Variants in MYO9A observed in about 807,000 individuals in gnomAD.
The protein encoded by MYO9A is myosin IXA.
A neutral mutation model predicts 293.3 loss-of-function variants in MYO9A; 103 were observed. The ratio of observed to expected loss-of-function variants is 0.35; its 90% CI spans 0.30 to 0.41. The LOEUF is 0.41. MYO9A is among the 10% of genes least tolerant of loss of function. MYO9A has a pLI of 1.00. For missense variants in MYO9A, 2,685 were observed against 3,033.0 expected (o/e 0.89, Z 2.69); for synonymous variants, 1,001 against 1,035.7 (o/e 0.97, Z 0.64).
At chr15:72,036,699 T>G (rs1566970493) in intron 2 of MYO9A, 1 of 152,124 alleles carries the variant, frequency 6.6e-6, no homozygotes, top group Non-Finnish European at 1.5e-5. Context: ...GGTACTCTTT[T>G]TGTGTGTATG....
intron 4 of MYO9A, among the ~76,000 whole-genome samples, chr15:72,021,286 G>A (rs929705819): frequency 6.6e-6 from 1 of 152,090 alleles, no homozygotes; most frequent in Non-Finnish European, 1.5e-5. Context: ...TGAGAAATCT[G>A]GCAAATCTGT....
At chr15:71,832,122 C>T (rs143338640) in intron 39 of MYO9A, among the ~76,000 whole-genome samples, 241 of 152,148 alleles carry the variant, frequency 1.6e-3, no homozygotes, top group East Asian at 8.5e-3. Context: ...ACTGAAAATA[C>T]AAAAATTAGC....
Position 72,010,450 on chromosome 15 carries a change from GCTTA to G in MYO9A, c.1156-7_1156-4del, listed in dbSNP as rs767548941. The stretch of plus-strand genomic sequence containing the variant: ...TCTCCTTCCACCGTGAAGCAATCCT[GCTTA>G]TTTAAAATAAAAGTTTAAAAATCAA... On this transcript the variant is annotated splice_polypyrimidine_tract_variant and splice_region_variant and intron_variant, in intron 6 of 41. Transcript: ENST00000356056. 8 of 1,608,570 alleles carry G rather than the reference GCTTA, an allele frequency of 5.0e-6. No homozygotes were observed. In the African/African-American group the frequency reaches 1.1e-4, roughly 22 times the overall value.
chr15:71,825,222 G>C lies in MYO9A; in HGVS notation c.*1358C>G, dbSNP rs2054426571. 1 of 152,156 alleles carries C rather than the reference G, an allele frequency of 6.6e-6. No homozygotes were observed. Among genetic ancestry groups the C allele is most frequent in the African/African-American group, 2.4e-5 (1 of 41,426 alleles). 9.4% of individuals were successfully genotyped at this position (152,156 alleles called of 1,614,324 possible). On this transcript the variant is annotated 3_prime_UTR_variant, in exon 42 of 42. Transcript: ENST00000356056. ...TCATGTGTATGAAGACCACCCAGTG[G>C]TGAAAATGATGTCTTACTAATTCCC... is the stretch of plus-strand genomic sequence containing the variant.
At chr15:71,861,141 A>AT (rs1401192265) in intron 33 of MYO9A, among the ~76,000 whole-genome samples, 1 of 151,930 alleles carries the variant, frequency 6.6e-6, no homozygotes, top group Non-Finnish European at 1.5e-5. Flanking sequence ...ACTCATTATA[A>AT]TTTTTTAGAC....
At chr15:71,855,232 T>C (rs908320791) in intron 34 of MYO9A, among the ~76,000 whole-genome samples, 3 of 152,074 alleles carry the variant, frequency 2.0e-5, no homozygotes, top group African/African-American at 7.2e-5. Flanking sequence ...ACCTCCCAGG[T>C]TCAAGCGATT....
chr15:71,885,176 T>G (rs2056984083), intron 27 of MYO9A, among the ~76,000 whole-genome samples: 1 of 152,102 alleles, frequency 6.6e-6, no homozygotes, highest in African/African-American at 2.4e-5. Context: ...TGGCCACAGA[T>G]AATGATTAGG....
intron 2 of MYO9A, among the ~76,000 whole-genome samples, chr15:72,044,175 G>A (rs2078312729): frequency 6.6e-6 from 1 of 152,050 alleles, no homozygotes; most frequent in Non-Finnish European, 1.5e-5. Flanking sequence ...GGGAAGCCAA[G>A]GCAGGTGGAT....
At chr15:71,952,875 G>A (rs540774976) in intron 14 of MYO9A, among the ~76,000 whole-genome samples, 15 of 152,204 alleles carry the variant, frequency 9.9e-5, no homozygotes, top group African/African-American at 3.4e-4. Context: ...CATTTTAAAA[G>A]TTAAACAGTC....
intron 14 of MYO9A, among the ~76,000 whole-genome samples, chr15:71,952,384 T>C (rs2059071969): frequency 6.6e-6 from 1 of 152,092 alleles, no homozygotes; most frequent in South Asian, 2.1e-4. Context: ...AATGAAAACA[T>C]GAAGAAAAGC....
At chr15:72,005,407 T>A (rs986113043) in intron 8 of MYO9A, among the ~76,000 whole-genome samples, 8 of 152,082 alleles carry the variant, frequency 5.3e-5, no homozygotes, top group Non-Finnish European at 1.0e-4. Flanking sequence ...GAAGCCCTGG[T>A]TTCTGCTGAA....
intron 1 of MYO9A, among the ~76,000 whole-genome samples, chr15:72,059,628 G>C (rs756573494): frequency 4.1e-4 from 63 of 152,150 alleles, no homozygotes; most frequent in Non-Finnish European, 7.4e-4. Context: ...TTTTGGATTG[G>C]CTTTTTTTAG....
intron 26 of MYO9A, chr15:71,892,759 T>C (rs2057215180): frequency 1.9e-5 from 5 of 258,746 alleles, no homozygotes; most frequent in South Asian, 1.9e-4. Flanking sequence ...AGTCAAATAA[T>C]CTTAATTTTG....
chr15:72,042,763 A>G (rs540141493), intron 2 of MYO9A, among the ~76,000 whole-genome samples: 13 of 152,120 alleles, frequency 8.5e-5, no homozygotes, highest in South Asian at 4.2e-4. Flanking sequence ...AATCTATAAA[A>G]AAGCTGTTGC....
At chr15:71,933,740 C>A (rs1320599965) in intron 17 of MYO9A, 31 bp from the exon 18 acceptor site, 2 of 1,566,038 alleles carry the variant, frequency 1.3e-6, no homozygotes, top group Non-Finnish European at 8.7e-7. Context: ...TTAAAAAAAG[C>A]TACTGTATAA....
chr15:72,029,278 C>T (rs1216390295), intron 3 of MYO9A, among the ~76,000 whole-genome samples: 1 of 152,190 alleles, frequency 6.6e-6, no homozygotes, highest in East Asian at 1.9e-4. Flanking sequence ...CACTTAACTA[C>T]AGAGGTACAT....
At chr15:71,848,785 G>A in intron 39 of MYO9A, 60 bp downstream of exon 39, 4 of 1,542,706 alleles carry the variant, frequency 2.6e-6, no homozygotes, top group South Asian at 1.3e-5. Context: ...CACCACAAAA[G>A]CACATTTAAA....
chr15:71,972,864 T>C (rs1208975437), intron 12 of MYO9A, among the ~76,000 whole-genome samples: 3 of 152,130 alleles, frequency 2.0e-5, no homozygotes, highest in Non-Finnish European at 4.4e-5. Context: ...AAGGTAAAAG[T>C]TATCAGTGGA....
chr15:71,921,486 C>T (rs944044622), intron 18 of MYO9A, among the ~76,000 whole-genome samples: 4 of 152,186 alleles, frequency 2.6e-5, no homozygotes, highest in Non-Finnish European at 5.9e-5. Context: ...CCTTCTCCCG[C>T]ACTCCATCCC....
Sources: allele counts gnomAD v4.1 joint callset (sites outside exome capture counted in the v4.1 genomes callset), GRCh38; gene constraint gnomAD v4.1.1; transcripts MANE v1.5; gene names NCBI Gene and HGNC (gene_info 2026-07-23, HGNC 2026-07-21).